Variants in GABRD observed in about 807,000 individuals in gnomAD.
The protein encoded by GABRD is gamma-aminobutyric acid receptor subunit delta.
GABRD carries 25 observed loss-of-function variants against 47.3 expected under a neutral mutation model. The observed-to-expected ratio is 0.53, with a 90% confidence interval of 0.39 to 0.74. The LOEUF is 0.74. Among genes scored for constraint, GABRD ranks in the 30% least tolerant of loss-of-function variants. GABRD has a pLI of 0.00. For missense variants in GABRD, 497 were observed against 643.4 expected (o/e 0.77, Z 2.46); for synonymous variants, 314 against 278.8 (o/e 1.13, Z -1.26).
chr1:2,027,485 G>A, intron 4 of GABRD, 92 bp from the exon 5 acceptor site: 1 of 981,098 alleles, frequency 1.0e-6, no homozygotes, highest in Non-Finnish European at 1.6e-6. Context: ...CTCCAGGCAG[G>A]TGCTCAGGGG....
chr1:2,028,885 C>G lies in GABRD; in HGVS notation c.692-226C>G, dbSNP rs1370033604. On this transcript the variant is annotated intron_variant, in intron 6 of 8. Transcript: ENST00000378585. This position sits in a 1 kb window ranked among gnomAD's most constrained non-coding sequence, Gnocchi z 6.4. ...CCAGCAGTAACCTCAGCCTCTCTCC[C>G]TCTCCTCTGGGTGACACTGCTCAGG... is the stretch of plus-strand genomic sequence containing the variant. 3.4e-6 allele frequency: 2 copies of G among 592,538 alleles called. No individual in the cohort carries two copies. The highest frequency in any genetic ancestry group is 1.9e-5 in the African/African-American group (1 of 53,662). 36.7% of individuals were successfully genotyped at this position (592,538 alleles called of 1,614,324 possible). A position where few individuals can be genotyped will look rare whatever the true frequency, so the allele number is the denominator to read the frequency against.
intron 7 of GABRD, 66 bp downstream of exon 7, chr1:2,029,332 C>T: frequency 6.6e-7 from 1 of 1,505,010 alleles, no homozygotes; most frequent in Middle Eastern, 2.0e-4. Flanking sequence ...GACTCCCCAT[C>T]CCTCGGCTGG....
chr1:2,025,287 A>C (rs754943110), intron 2 of GABRD, 47 bp from the exon 3 acceptor site: 1 of 1,608,426 alleles, frequency 6.2e-7, no homozygotes, highest in South Asian at 1.1e-5. Flanking sequence ...CGTGGCTCCC[A>C]TGCTGGGCCG....
rs987988338 is a variant in GABRD, at chr1:2,027,557, T to G, written c.471-20T>G. Reference sequence around the variant, plus strand: ...GCTGGCCTCACCCCCAAGGCCTCACTGCCATGCTTGTCTTGGCAGAATCAC... The same window carrying G: ...GCTGGCCTCACCCCCAAGGCCTCACGGCCATGCTTGTCTTGGCAGAATCAC... On this transcript the variant is annotated intron_variant, in intron 4 of 8. Coordinates refer to ENST00000378585, the MANE Select transcript of GABRD (RefSeq NM_000815.5). 6.2e-7 allele frequency: 1 copy of G among 1,609,298 alleles called. No individual in the cohort carries two copies. The highest frequency in any genetic ancestry group is 1.3e-5 in the African/African-American group (1 of 74,830).
chr1:2,021,804 G>A (rs1178744798), intron 1 of GABRD, among the ~76,000 whole-genome samples: 1 of 152,206 alleles, frequency 6.6e-6, no homozygotes, highest in African/African-American at 2.4e-5. Flanking sequence ...TGCTCTAAAA[G>A]CAGGGCTGTG....
intron 1 of GABRD, among the ~76,000 whole-genome samples, chr1:2,020,458 C>T (rs1273207069): frequency 3.9e-5 from 6 of 152,236 alleles, no homozygotes; most frequent in Admixed American, 6.5e-5. Flanking sequence ...GCACCCAACA[C>T]GGGGCGGTGT....
At position 2,027,259 on chromosome 1, in the gene GABRD, G is replaced by T. The variant is rs138082511; in HGVS notation, c.471-318G>T. ...GCGTGGCAACTCTGGGCCTATTCCC[G>T]TGTGTTCCTCAGCCATCGCTCGGGC... On this transcript the variant is annotated intron_variant, in intron 4 of 8. Coordinates refer to ENST00000378585, the MANE Select transcript of GABRD (RefSeq NM_000815.5). 190 of 437,370 alleles carry T rather than the reference G, an allele frequency of 4.3e-4. 1 individual carries two copies. The highest frequency in any genetic ancestry group is 3.4e-3 in the African/African-American group (171 of 50,058). 27.1% of individuals were successfully genotyped at this position (437,370 alleles called of 1,614,324 possible).
At chr1:2,027,914 G>A in intron 5 of GABRD, 2 of 614,014 alleles carry the variant, frequency 3.3e-6, no homozygotes, top group Non-Finnish European at 2.9e-6. Flanking sequence ...TGTTGAGCCA[G>A]TGCAGCAGCC....
chr1:2,023,177 G>A (rs950347663), intron 1 of GABRD, among the ~76,000 whole-genome samples: 4 of 152,118 alleles, frequency 2.6e-5, no homozygotes, highest in African/African-American at 7.2e-5. Flanking sequence ...TGCTCATGCA[G>A]CTCCCCGGCT....
intron 6 of GABRD, 24 bp from the exon 7 acceptor site, chr1:2,029,087 C>T (rs1360384716): frequency 6.5e-7 from 1 of 1,538,274 alleles, no homozygotes; most frequent in South Asian, 1.2e-5. Flanking sequence ...GGGATGGGGG[C>T]ACTGACGGTG....
chr1:2,029,385 C>A, intron 7 of GABRD, 119 bp downstream of exon 7: 1 of 1,426,558 alleles, frequency 7.0e-7, no homozygotes, highest in Non-Finnish European at 9.4e-7. Flanking sequence ...TGTCCTGGGG[C>A]AGTGGCCAGC....
chr1:2,019,895 G>A (rs1014380905), intron 1 of GABRD, among the ~76,000 whole-genome samples: 6 of 152,170 alleles, frequency 3.9e-5, no homozygotes, highest in Admixed American at 2.6e-4. Context: ...GTGCGGGGAG[G>A]CTGCTCCCTT....
Position 2,025,022 on chromosome 1 carries a change from G to A in GABRD, c.149G>A (p.Gly50Asp). The A allele has an allele frequency of 1.2e-6, 2 of 1,612,678 alleles. No individual in the cohort carries two copies. The highest frequency in any genetic ancestry group is 1.7e-6 in the Non-Finnish European group (2 of 1,179,788). ...CCCAACCTGGACGGGCTGATAGCCG[G>A]CTACGCCCGCAACTTCCGGCCTGGC... is the stretch of plus-strand genomic sequence containing the variant. ...WLPNLDGLIA[G>D]YARNFRPGIG... Residue 50 changes from glycine (G) to aspartate (D), a missense_variant, in exon 2 of 9, where the codon GGC (glycine) becomes GAC (aspartate). By Grantham distance (94) the Gly-to-Asp change is moderately conservative (BLOSUM62 -1). Coordinates refer to ENST00000378585, the MANE Select transcript of GABRD (RefSeq NM_000815.5).
intron 1 of GABRD, among the ~76,000 whole-genome samples, chr1:2,022,983 C>T (rs371171941): frequency 1.3e-5 from 2 of 152,162 alleles, no homozygotes; most frequent in South Asian, 2.1e-4. Context: ...GAGAGGGCCT[C>T]AGCCCCCGAC....
Position 2,021,048 on chromosome 1 carries a change from A to G in GABRD, c.68+1557A>G, listed in dbSNP as rs192995251. ...GGATTCTGTGCCTGTTTCCTTGGGC[A>G]GGAAAGCTGGAAGGCCACGGCCCAG... On this transcript the variant is annotated intron_variant, in intron 1 of 8. Coordinates refer to ENST00000378585, the MANE Select transcript of GABRD (RefSeq NM_000815.5). Among the ~76,000 whole-genome samples, 1,485 of 152,306 alleles carry G rather than the reference A, an allele frequency of 9.8e-3. 20 individuals are homozygous for G. The highest frequency in any genetic ancestry group is 0.014 in the Middle Eastern group (4 of 294).
rs1162360777 is a variant in GABRD, at chr1:2,030,350, G to A, written c.*68G>A. On this transcript the variant is annotated 3_prime_UTR_variant, in exon 9 of 9. Coordinates refer to ENST00000378585, the MANE Select transcript of GABRD (RefSeq NM_000815.5). ...GCAGCTGCCCAGAAACTTCCTGGGAGAAAGAGCCCTCGGGCTGCCTTCCCC... is the reference window on the plus strand; with the variant it reads ...GCAGCTGCCCAGAAACTTCCTGGGAAAAAGAGCCCTCGGGCTGCCTTCCCC... 2.1e-6 allele frequency: 3 copies of A among 1,397,408 alleles called. No individual in the cohort carries two copies. The highest frequency in any genetic ancestry group is 2.9e-5 in the African/African-American group (2 of 67,900). The allele number at this position is 1,397,408 out of a possible 1,614,324, so 86.6% of individuals were successfully genotyped here. A position where few individuals can be genotyped will look rare whatever the true frequency, so the allele number is the denominator to read the frequency against.
At chr1:2,023,183 C>T (rs535967695) in intron 1 of GABRD, among the ~76,000 whole-genome samples, 1 of 152,212 alleles carries the variant, frequency 6.6e-6, no homozygotes, top group East Asian at 1.9e-4. Flanking sequence ...TGCAGCTCCC[C>T]GGCTGGACTT....
intron 6 of GABRD, 58 bp from the exon 7 acceptor site, chr1:2,029,053 C>G: frequency 6.5e-7 from 1 of 1,533,076 alleles, no homozygotes; most frequent in African/African-American, 1.4e-5. Flanking sequence ...GCCCCTGAGT[C>G]CCATGGTTGG....
At chr1:2,021,763 C>G (rs1571024026) in intron 1 of GABRD, among the ~76,000 whole-genome samples, 1 of 152,224 alleles carries the variant, frequency 6.6e-6, no homozygotes, top group Non-Finnish European at 1.5e-5. Flanking sequence ...TCCTCTTCGC[C>G]TTGGTAACTG....
Sources: allele counts gnomAD v4.1 joint callset (sites outside exome capture counted in the v4.1 genomes callset), GRCh38; gene constraint gnomAD v4.1.1; non-coding constraint Gnocchi (gnomAD v3.1); transcripts MANE v1.5; gene names NCBI Gene and HGNC (gene_info 2026-07-23, HGNC 2026-07-21).